Variants in LONRF1 observed in about 807,000 individuals in gnomAD.
LONRF1 encodes LON peptidase N-terminal domain and ring finger 1.
LONRF1 carries 37 observed loss-of-function variants against 85.8 expected under a neutral mutation model. The ratio of observed to expected loss-of-function variants is 0.43; its 90% CI spans 0.33 to 0.57. LONRF1 has a LOEUF of 0.57. LONRF1 is among the 20% of genes least tolerant of loss of function. The pLI, the probability that LONRF1 is intolerant of heterozygous loss-of-function variation, is 0.04. For synonymous variants in LONRF1, 517 were observed against 390.1 expected, an observed-to-expected ratio of 1.33 and a Z score of -3.83; for missense variants, 1,036 against 978.0, an observed-to-expected ratio of 1.06 and a Z score of -0.79.
chr8:12,751,064 C>G (rs1232603199), intron 1 of LONRF1, among the ~76,000 whole-genome samples: 1 of 152,064 alleles, frequency 6.6e-6, no homozygotes. Context: ...GCAACGTGCA[C>G]AAGGTCGGAG....
intron 1 of LONRF1, among the ~76,000 whole-genome samples, chr8:12,752,694 A>G (rs937373512): frequency 5.3e-5 from 8 of 152,242 alleles, no homozygotes; most frequent in Non-Finnish European, 1.2e-4. Context: ...ATCTCTGTTA[A>G]CTAAAATATT....
intron 4 of LONRF1, 138 bp from the exon 5 acceptor site, chr8:12,737,278 C>T (rs1333210919): frequency 9.6e-7 from 1 of 1,042,098 alleles, no homozygotes; most frequent in Admixed American, 1.9e-5. Flanking sequence ...TAACTTGATT[C>T]CAACACTGTG....
At chr8:12,729,383 C>T (rs369014691) in intron 8 of LONRF1, 51 bp from the exon 9 acceptor site, 7 of 1,551,382 alleles carry the variant, frequency 4.5e-6, no homozygotes, top group South Asian at 1.1e-5. Context: ...AAAATATTAC[C>T]GAACACATAC....
At chr8:12,730,658 T>G (rs984969479) in intron 8 of LONRF1, among the ~76,000 whole-genome samples, 6 of 152,224 alleles carry the variant, frequency 3.9e-5, no homozygotes, top group Admixed American at 3.9e-4. Flanking sequence ...TTCTTAAATC[T>G]AGATGCTTCA....
chr8:12,751,300 T>TTTTTTTGTTTG (rs747238196), intron 1 of LONRF1, among the ~76,000 whole-genome samples: 5 of 83,782 alleles, frequency 6.0e-5, no homozygotes, highest in Admixed American at 2.4e-4. Flanking sequence ...TTTTATGTTT[T>TTTTTTTGTTTG]TTTTTTTTTT....
At chr8:12,731,004 A>G (rs1798508055) in intron 8 of LONRF1, among the ~76,000 whole-genome samples, 1 of 152,242 alleles carries the variant, frequency 6.6e-6, no homozygotes, top group Non-Finnish European at 1.5e-5. Context: ...TAAAGAAATT[A>G]AAAACCCGTT....
At chr8:12,724,358 C>G (rs1806068829) in intron 11 of LONRF1, among the ~76,000 whole-genome samples, 1 of 152,174 alleles carries the variant, frequency 6.6e-6, no homozygotes. Flanking sequence ...GTGGTGCAGA[C>G]TTGCTGGGAT....
At chr8:12,729,728 G>C (rs1225454966) in intron 8 of LONRF1, among the ~76,000 whole-genome samples, 2 of 152,036 alleles carry the variant, frequency 1.3e-5, no homozygotes, top group African/African-American at 2.4e-5. Flanking sequence ...GTTACTCTTA[G>C]ATAACAAGAA....
chr8:12,753,168 C>G (rs557220382), intron 1 of LONRF1: 1 of 152,204 alleles, frequency 6.6e-6, no homozygotes, highest in East Asian at 1.9e-4. Flanking sequence ...TATTTTATAC[C>G]TGCCTACTCC....
intron 11 of LONRF1, among the ~76,000 whole-genome samples, chr8:12,724,868 G>T (rs1430344389): frequency 6.6e-6 from 1 of 152,182 alleles, no homozygotes; most frequent in African/African-American, 2.4e-5. Context: ...TCAAGTTCAG[G>T]TGAAGGATTC....
At chr8:12,754,651 G>T in intron 1 of LONRF1, 49 bp downstream of exon 1, 1 of 1,293,244 alleles carries the variant, frequency 7.7e-7, no homozygotes, top group African/African-American at 1.6e-5. Context: ...GGCCCTCGGG[G>T]CCAGGAGGGT....
At chr8:12,750,415 T>C (rs1799334075) in intron 1 of LONRF1, among the ~76,000 whole-genome samples, 1 of 152,202 alleles carries the variant, frequency 6.6e-6, no homozygotes, top group Non-Finnish European at 1.5e-5. Context: ...ATACCTGTGA[T>C]AAACTTTAAT....
intron 3 of LONRF1, among the ~76,000 whole-genome samples, chr8:12,739,295 A>G (rs1041352308): frequency 2.0e-5 from 3 of 151,382 alleles, no homozygotes; most frequent in Non-Finnish European, 4.4e-5. Flanking sequence ...GGAATACTTT[A>G]AAAAACAATA....
At chr8:12,736,267 T>C (rs1295667635) in intron 6 of LONRF1, among the ~76,000 whole-genome samples, 2 of 152,184 alleles carry the variant, frequency 1.3e-5, no homozygotes, top group Non-Finnish European at 2.9e-5. Flanking sequence ...CTTATCCTTA[T>C]GTTACTTTAA....
chr8:12,744,549 G>A (rs1344644775), intron 1 of LONRF1, among the ~76,000 whole-genome samples: 2 of 152,044 alleles, frequency 1.3e-5, no homozygotes, highest in Non-Finnish European at 2.9e-5. Context: ...GACCCTGTAG[G>A]TATTCAAAAA....
chr8:12,749,070 T>C (rs1262702252), intron 1 of LONRF1, among the ~76,000 whole-genome samples: 2 of 152,296 alleles, frequency 1.3e-5, no homozygotes, highest in East Asian at 1.9e-4. Flanking sequence ...GCTGTGAGGA[T>C]TGAATAAGAT....
At chr8:12,735,143 G>A in intron 7 of LONRF1, 143 bp downstream of exon 7, 1 of 599,192 alleles carries the variant, frequency 1.7e-6, no homozygotes, top group Non-Finnish European at 2.9e-6. Context: ...TAGCATATGG[G>A]TAATAAAACA....
intron 4 of LONRF1, 126 bp from the exon 5 acceptor site, chr8:12,737,266 A>G (rs777378360): frequency 1.7e-6 from 2 of 1,149,166 alleles, no homozygotes; most frequent in Non-Finnish European, 2.5e-6. Context: ...ATTTAATAGC[A>G]CTAACTTGAT....
At chr8:12,723,370 C>T in intron 11 of LONRF1, 116 bp from the exon 12 acceptor site, 1 of 861,724 alleles carries the variant, frequency 1.2e-6, no homozygotes, top group Non-Finnish European at 1.8e-6. Flanking sequence ...CAGGTGCTAT[C>T]TCCAATGTCC....
Sources: gnomAD v4.1 joint callset for allele counts (sites outside exome capture counted in the v4.1 genomes callset) on GRCh38, gnomAD v4.1.1 for gene constraint, MANE v1.5 for transcripts, NCBI Gene and HGNC (gene_info 2026-07-23, HGNC 2026-07-21) for gene names.